The following AKR1E2 variants were observed in gnomAD, a reference collection of about 807,000 sequenced individuals.
AKR1E2 encodes aldo-keto reductase family 1 member E2.
AKR1E2 carries 43 observed loss-of-function variants against 41.9 expected under a neutral mutation model. The ratio of observed to expected loss-of-function variants is 1.03; its 90% CI spans 0.80 to 1.32. The LOEUF (loss-of-function observed/expected upper bound fraction) is 1.32, where lower values mean the gene tolerates loss of function less well. Among genes scored for constraint, AKR1E2 ranks in the 40% most tolerant of loss-of-function variants. The pLI, the probability that AKR1E2 is intolerant of heterozygous loss-of-function variation, is 0.00. For missense variants in AKR1E2, 423 were observed against 396.5 expected (o/e 1.07, Z -0.57); for synonymous variants, 121 against 138.9 (o/e 0.87, Z 0.91).
intron 8 of AKR1E2, chr10:4,845,652 C>CA: frequency 2.2e-6 from 1 of 452,066 alleles, no homozygotes; most frequent in South Asian, 1.6e-5. Context: ...GGCAGGGGGC[C>CA]ACATCGCCCC....
intron 8 of AKR1E2, among the ~76,000 whole-genome samples, 157 bp downstream of exon 8, chr10:4,842,661 G>A (rs1445466990): frequency 6.6e-6 from 1 of 152,102 alleles, no homozygotes; most frequent in East Asian, 1.9e-4. Flanking sequence ...TTCCCTCAGC[G>A]ATCAAAGGAC....
the AKR1E2 span, among the ~76,000 whole-genome samples, chr10:4,869,913 A>C: frequency 6.6e-6 from 1 of 151,930 alleles, no homozygotes; most frequent in Non-Finnish European, 1.5e-5. Flanking sequence ...GGTTTTTATA[A>C]TTTTGGTTAT....
chr10:4,851,762 A>G (rs967916407), downstream of AKR1E2, among the ~76,000 whole-genome samples: 1 of 152,252 alleles, frequency 6.6e-6, no homozygotes, highest in African/African-American at 2.4e-5. Context: ...CCCAGCTAGT[A>G]AAGTGATGTA....
chr10:4,867,900 A>T, the AKR1E2 span, among the ~76,000 whole-genome samples: 2 of 152,114 alleles, frequency 1.3e-5, no homozygotes, highest in African/African-American at 4.8e-5. Flanking sequence ...GAGCATTTCA[A>T]GTTTGCAGCT....
intron 3 of AKR1E2, 57 bp from the exon 4 acceptor site, chr10:4,835,618 G>GT (rs1300411541): frequency 5.6e-5 from 63 of 1,133,116 alleles, no homozygotes; most frequent in South Asian, 1.0e-4. Context: ...CTGACACATG[G>GT]TTTTTTTTGT....
intron 1 of AKR1E2, among the ~76,000 whole-genome samples, 161 bp from the exon 2 acceptor site, chr10:4,830,514 C>T (rs1260536003): frequency 3.3e-5 from 5 of 152,094 alleles, no homozygotes; most frequent in Non-Finnish European, 7.3e-5. Context: ...TCATAAATTC[C>T]TTCATAACTG....
intron 5 of AKR1E2, among the ~76,000 whole-genome samples, chr10:4,839,336 G>T (rs1044366293): frequency 6.6e-6 from 1 of 152,214 alleles, no homozygotes; most frequent in Non-Finnish European, 1.5e-5. Context: ...TTAGATCTTG[G>T]TGACACAGAA....
Position 4,841,004 on chromosome 10 carries a change from T to C in AKR1E2, c.681-781T>C, listed in dbSNP as rs537874597. On this transcript the variant is annotated intron_variant, in intron 6 of 9. Coordinates refer to ENST00000298375, the MANE Select transcript of AKR1E2 (RefSeq NM_001040177.3). ...CTTGAGTTTTATCACCTGTGTGTTT[T>C]CCTTGTGAAGTGGGGCATGTGTGTT... Among the ~76,000 whole-genome samples, 50 of 152,306 alleles carry C rather than the reference T, an allele frequency of 3.3e-4. No individual in the cohort carries two copies. The South Asian group carries it at 0.01, about 32-fold the overall frequency.
intron 1 of AKR1E2, among the ~76,000 whole-genome samples, chr10:4,826,730 C>T (rs1832549275): frequency 6.6e-6 from 1 of 152,148 alleles, no homozygotes; most frequent in Non-Finnish European, 1.5e-5. Flanking sequence ...CTTGGCGGCG[C>T]TGGACTCGGC....
intron 8 of AKR1E2, among the ~76,000 whole-genome samples, chr10:4,844,963 G>C (rs1185829670): frequency 2.6e-5 from 4 of 152,196 alleles, no homozygotes; most frequent in South Asian, 2.1e-4. Context: ...CATGGAGCAG[G>C]GGGCGGTGCT....
In AKR1E2 at chr10:4,837,398, G is replaced by A. The variant is rs183874245; in HGVS notation, c.460-61G>A. 6.3e-6 allele frequency: 10 copies of A among 1,591,514 alleles called. No homozygotes were observed. In the African/African-American group the frequency reaches 9.4e-5, roughly 15 times the overall value. On this transcript the variant is annotated intron_variant, in intron 4 of 9. Transcript: ENST00000298375. Reference sequence around the variant, plus strand: ...AGAATACCATACAGAACTGCTGAGGGACGTAGATTGTCAGTGCAGTAGACA... The same window carrying A: ...AGAATACCATACAGAACTGCTGAGGAACGTAGATTGTCAGTGCAGTAGACA...
At chr10:4,852,767 CT>C (rs1347827393), downstream of AKR1E2, among the ~76,000 whole-genome samples, 5 of 151,980 alleles carry the variant, frequency 3.3e-5, no homozygotes, top group East Asian at 5.8e-4. Flanking sequence ...ATATTTTATT[CT>C]TTTTTTTGGC....
intron 4 of AKR1E2, among the ~76,000 whole-genome samples, 162 bp downstream of exon 4, chr10:4,835,971 C>T (rs962631857): frequency 1.1e-4 from 16 of 152,162 alleles, no homozygotes; most frequent in Non-Finnish European, 1.6e-4. Flanking sequence ...ACTCAGAGAC[C>T]TCAGTGACTT....
chr10:4,832,828 T>C (rs1459609478), intron 2 of AKR1E2, among the ~76,000 whole-genome samples: 1 of 152,046 alleles, frequency 6.6e-6, no homozygotes. Flanking sequence ...AAAAGTAAAA[T>C]GAGGGGAAAA....
intron 1 of AKR1E2, 127 bp downstream of exon 1, chr10:4,826,490 G>C (rs1832516924): frequency 3.4e-6 from 3 of 884,634 alleles, no homozygotes; most frequent in Non-Finnish European, 4.5e-6. Context: ...GCCGACGCCC[G>C]GGAAAGGCGC....
intron 1 of AKR1E2, 129 bp from the exon 2 acceptor site, chr10:4,830,546 A>G: frequency 9.9e-7 from 1 of 1,007,796 alleles, no homozygotes; most frequent in South Asian, 1.6e-5. Context: ...TTTTAGACTG[A>G]TTATACTAGT....
the AKR1E2 span, among the ~76,000 whole-genome samples, chr10:4,870,028 T>TTGTTAGGTAGAAAAA: frequency 6.6e-6 from 1 of 151,870 alleles, no homozygotes. Flanking sequence ...AGGTAGAATG[T>TTGTTAGGTAGAAAAA]TCTATAAATC....
the AKR1E2 span, among the ~76,000 whole-genome samples, chr10:4,871,323 T>C: frequency 1.3e-5 from 2 of 152,182 alleles, no homozygotes; most frequent in Non-Finnish European, 2.9e-5. Flanking sequence ...CTGTTGCTTA[T>C]CTTTATTTAT....
intron 5 of AKR1E2, among the ~76,000 whole-genome samples, chr10:4,837,960 T>C (rs940537683): frequency 6.6e-6 from 1 of 152,210 alleles, no homozygotes; most frequent in Non-Finnish European, 1.5e-5. Flanking sequence ...GATGACTAGA[T>C]GGCTTCACGC....
Sources: allele counts gnomAD v4.1 joint callset (sites outside exome capture counted in the v4.1 genomes callset), GRCh38; gene constraint gnomAD v4.1.1; transcripts MANE v1.5; gene names NCBI Gene and HGNC (gene_info 2026-07-23, HGNC 2026-07-21).